The following RANBP10 variants were observed in gnomAD, a reference collection of about 807,000 sequenced individuals.
RANBP10 encodes the protein ran-binding protein 10.
Under a neutral mutation model 72.8 loss-of-function variants are expected in RANBP10, and 24 were observed. The observed-to-expected ratio is 0.33, with a 90% CI of 0.24 to 0.46. The LOEUF is 0.46. Ranked by LOEUF, RANBP10 falls within the 20% of genes least tolerant of loss-of-function variation. The pLI, the probability that RANBP10 is intolerant of heterozygous loss-of-function variation, is 1.00. For missense variants in RANBP10, 679 were observed against 817.5 expected (o/e 0.83, Z 2.07); for synonymous variants, 310 against 322.3 (o/e 0.96, Z 0.41).
At chr16:67,800,336 T>G (rs1053012081) in intron 2 of RANBP10, among the ~76,000 whole-genome samples, 11 of 152,154 alleles carry the variant, frequency 7.2e-5, no homozygotes, top group Non-Finnish European at 7.4e-5. Context: ...TGCCTTCCAG[T>G]GCTCTAGCCC....
intron 3 of RANBP10, among the ~76,000 whole-genome samples, chr16:67,767,470 A>AAG (rs1381062222): frequency 6.6e-6 from 1 of 150,810 alleles, no homozygotes; most frequent in African/African-American, 2.4e-5. Flanking sequence ...AAAAAAAAAA[A>AAG]AAAAAAAAAA....
At chr16:67,805,940 GCCCATGAGT>G (rs1391884659) in intron 1 of RANBP10, among the ~76,000 whole-genome samples, 1 of 152,244 alleles carries the variant, frequency 6.6e-6, no homozygotes, top group Non-Finnish European at 1.5e-5. Flanking sequence ...AGGTGGGGAA[GCCCATGAGT>G]CTCACGCTAA....
chr16:67,756,194 C>A lies in RANBP10; in HGVS notation c.401-11739G>T, dbSNP rs549286448. ...TCCTGTAGGGTGCCAGGGACTCCAG[C>A]GTGACCGTTCCAGCAGCCCACCCAT... On this transcript the variant is annotated intron_variant, in intron 3 of 13. Transcript: ENST00000317506. 5.3e-5 allele frequency among the ~76,000 whole-genome samples: 8 copies of A among 152,354 alleles called. No individual in the cohort carries two copies. The South Asian group carries it at 1.7e-3, about 32-fold the overall frequency.
intron 2 of RANBP10, among the ~76,000 whole-genome samples, chr16:67,792,039 C>T (rs1489257123): frequency 2.1e-5 from 3 of 145,432 alleles, no homozygotes; most frequent in Non-Finnish European, 3.0e-5. Context: ...AGTGAGACTC[C>T]GTCTCAAAAA....
chr16:67,761,759 C>T (rs1324481561), intron 3 of RANBP10, among the ~76,000 whole-genome samples: 3 of 152,040 alleles, frequency 2.0e-5, no homozygotes, highest in South Asian at 2.1e-4. Flanking sequence ...TTGGTAGAGA[C>T]GGGGTTTTAC....
intron 2 of RANBP10, among the ~76,000 whole-genome samples, chr16:67,783,692 G>A (rs1469049608): frequency 6.6e-6 from 1 of 152,186 alleles, no homozygotes; most frequent in Non-Finnish European, 1.5e-5. Context: ...TAAATGTGCA[G>A]TGCCCAGATG....
In RANBP10 at chr16:67,725,368, A is replaced by G; in HGVS notation, c.*1060T>C. On this transcript the variant is annotated 3_prime_UTR_variant, in exon 14 of 14. Coordinates refer to ENST00000317506, the MANE Select transcript of RANBP10 (RefSeq NM_020850.3). ...AGATGGTGAAGATCTAGGCAGGAAG[A>G]AAGCAGCCCCTGTACTCAAGGGCCT... is the stretch of plus-strand genomic sequence containing the variant. The G allele has an allele frequency of 6.6e-6, 1 of 152,550 alleles. No individual in the cohort carries two copies. Among genetic ancestry groups the G allele is most frequent in the Non-Finnish European group, 1.5e-5 (1 of 68,020 alleles). The allele number at this position is 152,550 out of a possible 1,614,324, so 9.4% of individuals were successfully genotyped here. A position where few individuals can be genotyped will look rare whatever the true frequency, so the allele number is the denominator to read the frequency against.
At chr16:67,787,963 C>T (rs900736359) in intron 2 of RANBP10, among the ~76,000 whole-genome samples, 1 of 152,026 alleles carries the variant, frequency 6.6e-6, no homozygotes, top group Admixed American at 6.6e-5. Context: ...TTCAGCCTCC[C>T]GAGTAGCTGT....
At chr16:67,740,412 C>G (rs914174659) in intron 4 of RANBP10, among the ~76,000 whole-genome samples, 1 of 152,056 alleles carries the variant, frequency 6.6e-6, no homozygotes, top group Non-Finnish European at 1.5e-5. Flanking sequence ...CAGATAAAGT[C>G]TTATATCTCC....
intron 3 of RANBP10, among the ~76,000 whole-genome samples, chr16:67,746,316 C>T (rs1157948412): frequency 6.6e-6 from 1 of 150,458 alleles, no homozygotes; most frequent in Non-Finnish European, 1.5e-5. Context: ...CCCATCTCTA[C>T]CAAAAATACA....
chr16:67,774,675 A>G (rs960119885), intron 2 of RANBP10, among the ~76,000 whole-genome samples: 1 of 152,190 alleles, frequency 6.6e-6, no homozygotes, highest in Non-Finnish European at 1.5e-5. Flanking sequence ...GAGCAGCCCC[A>G]CAGGAGCCCA....
intron 3 of RANBP10, among the ~76,000 whole-genome samples, chr16:67,760,107 A>G (rs2054367249): frequency 1.3e-5 from 2 of 152,008 alleles, no homozygotes; most frequent in Non-Finnish European, 1.5e-5. Flanking sequence ...CTCAAAAAAA[A>G]AAAAAAAGAA....
chr16:67,800,044 C>T (rs190435061), intron 2 of RANBP10, among the ~76,000 whole-genome samples: 56 of 152,168 alleles, frequency 3.7e-4, no homozygotes, highest in African/African-American at 1.1e-3. Flanking sequence ...TCACTTGAAC[C>T]CAGGAGGCGG....
At chr16:67,731,768 G>A (rs1197595925) in intron 6 of RANBP10, among the ~76,000 whole-genome samples, 184 bp from the exon 7 acceptor site, 12 of 152,212 alleles carry the variant, frequency 7.9e-5, no homozygotes, top group Non-Finnish European at 2.9e-5. Flanking sequence ...GTGCCCCACG[G>A]TCATGAAGTC....
intron 3 of RANBP10, among the ~76,000 whole-genome samples, chr16:67,769,887 G>T (rs1023933898): frequency 2.6e-5 from 4 of 151,644 alleles, no homozygotes; most frequent in Admixed American, 2.0e-4. Context: ...GCAATGCGGT[G>T]AGACCCCGCC....
Position 67,730,524 on chromosome 16 carries a change from G to A in RANBP10, c.890-478C>T, listed in dbSNP as rs80130842. Among the ~76,000 whole-genome samples the A allele has an allele frequency of 0.04, 6,098 of 152,272 alleles. 398 individuals are homozygous for A. Among genetic ancestry groups the A allele is most frequent in the African/African-American group, 0.14 (5,803 of 41,552 alleles). On this transcript the variant is annotated intron_variant, in intron 7 of 13. Transcript: ENST00000317506. The surrounding 1 kb of genome is among the most constrained non-coding windows in gnomAD (Gnocchi z 4.3). ...CTCTGGCTGGTGGTCTTCAGGGGCT[G>A]CAGCATGCCCCCTGCTGGGAGAGGA... is the stretch of plus-strand genomic sequence containing the variant.
intron 2 of RANBP10, among the ~76,000 whole-genome samples, chr16:67,780,770 A>C (rs1184264160): frequency 6.6e-6 from 1 of 152,152 alleles, no homozygotes; most frequent in Admixed American, 6.6e-5. Context: ...GTGGGGGAGG[A>C]GCTAGAGAAG....
chr16:67,797,235 G>A (rs1427094840), intron 2 of RANBP10, among the ~76,000 whole-genome samples: 1 of 152,238 alleles, frequency 6.6e-6, no homozygotes, highest in African/African-American at 2.4e-5. Context: ...AGGAGGTGAA[G>A]TGAATTCTAG....
At chr16:67,764,765 A>C (rs541946449) in intron 3 of RANBP10, among the ~76,000 whole-genome samples, 1 of 152,324 alleles carries the variant, frequency 6.6e-6, no homozygotes, top group South Asian at 2.1e-4. Flanking sequence ...ATTTTCAGTA[A>C]GATTGAGGTT....
Sources: gnomAD v4.1 joint callset for allele counts (sites outside exome capture counted in the v4.1 genomes callset) on GRCh38, gnomAD v4.1.1 for gene constraint, Gnocchi (gnomAD v3.1) non-coding constraint, MANE v1.5 for transcripts, NCBI Gene and HGNC (gene_info 2026-07-23, HGNC 2026-07-21) for gene names.